ERBB4: variants seen among roughly 807,000 people sequenced by gnomAD.
ERBB4 encodes the protein receptor tyrosine-protein kinase erbB-4.
A neutral mutation model predicts 158.0 loss-of-function variants in ERBB4; 42 were observed. The observed-to-expected ratio is 0.27, with a 90% CI of 0.21 to 0.34. ERBB4 has a LOEUF of 0.34. ERBB4 is among the 10% of genes least tolerant of loss of function. ERBB4 has a pLI of 1.00. For missense variants in ERBB4, 1,333 were observed against 1,624.1 expected, an observed-to-expected ratio of 0.82 and a Z score of 3.08; for synonymous variants, 583 against 558.7, an observed-to-expected ratio of 1.04 and a Z score of -0.61.
intron 4 of ERBB4, among the ~76,000 whole-genome samples, chr2:211,769,937 A>G (rs548019108): frequency 6.6e-5 from 10 of 152,302 alleles, no homozygotes; most frequent in African/African-American, 2.2e-4. Context: ...TCTTTTAGCA[A>G]CACCCTCATA....
chr2:212,443,039 A>G (rs984279438), intron 1 of ERBB4, among the ~76,000 whole-genome samples: 14 of 152,236 alleles, frequency 9.2e-5, no homozygotes, highest in Non-Finnish European at 1.9e-4. Flanking sequence ...TGCTTGAGCA[A>G]ATTAACACAT....
chr2:211,799,067 T>A (rs2076443555), intron 3 of ERBB4, among the ~76,000 whole-genome samples: 1 of 152,162 alleles, frequency 6.6e-6, no homozygotes, highest in Admixed American at 6.6e-5. Flanking sequence ...AGGTGGCCTT[T>A]ACCTCTGCTG....
intron 1 of ERBB4, among the ~76,000 whole-genome samples, chr2:212,171,759 T>C (rs1244221346): frequency 1.3e-5 from 2 of 152,186 alleles, no homozygotes; most frequent in Non-Finnish European, 2.9e-5. Context: ...TCCACCATGA[T>C]TGTAAGTTTC....
intron 1 of ERBB4, among the ~76,000 whole-genome samples, chr2:212,190,295 G>A (rs2082146966): frequency 6.6e-6 from 1 of 152,180 alleles, no homozygotes; most frequent in Non-Finnish European, 1.5e-5. Flanking sequence ...CCAGCACTTT[G>A]GGAGGCCAAG....
chr2:211,388,496 C>T (rs1191833768), intron 25 of ERBB4, among the ~76,000 whole-genome samples: 1 of 151,974 alleles, frequency 6.6e-6, no homozygotes, highest in Non-Finnish European at 1.5e-5. Flanking sequence ...TTCACCACTT[C>T]AGCAAAAGGT....
intron 1 of ERBB4, among the ~76,000 whole-genome samples, chr2:212,269,350 G>A (rs1341376955): frequency 6.6e-6 from 1 of 151,734 alleles, no homozygotes; most frequent in Non-Finnish European, 1.5e-5. Context: ...TGTTGAGTAT[G>A]CCCAATTCAT....
chr2:212,275,588 G>A (rs772564157), intron 1 of ERBB4, among the ~76,000 whole-genome samples: 17 of 151,754 alleles, frequency 1.1e-4, no homozygotes, highest in Non-Finnish European at 1.8e-4. Context: ...AGCTTCATAA[G>A]AGAAGGAGAA....
At chr2:211,535,458 T>C (rs2066619301) in intron 20 of ERBB4, among the ~76,000 whole-genome samples, 1 of 152,072 alleles carries the variant, frequency 6.6e-6, no homozygotes. Flanking sequence ...ACCAAGTAGC[T>C]AACTGAACTA....
chr2:212,341,154 T>A (rs1468416072), intron 1 of ERBB4, among the ~76,000 whole-genome samples: 1 of 151,858 alleles, frequency 6.6e-6, no homozygotes, highest in East Asian at 1.9e-4. Flanking sequence ...GAATTATAAA[T>A]AAAATAAAGG....
At chr2:212,530,874 T>C (rs1692720470) in intron 1 of ERBB4, among the ~76,000 whole-genome samples, 1 of 152,196 alleles carries the variant, frequency 6.6e-6, no homozygotes, top group African/African-American at 2.4e-5. Context: ...AGAGTGTTTA[T>C]TGTACCATTC....
intron 2 of ERBB4, among the ~76,000 whole-genome samples, chr2:212,106,307 T>C (rs1024707328): frequency 1.3e-5 from 2 of 152,206 alleles, no homozygotes; most frequent in Admixed American, 1.3e-4. Context: ...GAAGAACTTG[T>C]TGGGAAGTGA....
At chr2:212,243,223 C>T (rs1029863649) in intron 1 of ERBB4, among the ~76,000 whole-genome samples, 1 of 152,058 alleles carries the variant, frequency 6.6e-6, no homozygotes, top group African/African-American at 2.4e-5. Context: ...AGGGCAGCGA[C>T]CAGATTGGGA....
intron 20 of ERBB4, among the ~76,000 whole-genome samples, chr2:211,513,065 A>C (rs1431603415): frequency 6.6e-6 from 1 of 152,078 alleles, no homozygotes; most frequent in Non-Finnish European, 1.5e-5. Context: ...AGGGTCTTAC[A>C]CAAAACACTG....
At chr2:212,497,803 A>T (rs1356757328) in intron 1 of ERBB4, among the ~76,000 whole-genome samples, 1 of 152,246 alleles carries the variant, frequency 6.6e-6, no homozygotes, top group Non-Finnish European at 1.5e-5. Context: ...GAACATTGGA[A>T]GCCAGTGACC....
chr2:211,658,196 T>A (rs941343029), intron 15 of ERBB4, among the ~76,000 whole-genome samples: 1 of 152,158 alleles, frequency 6.6e-6, no homozygotes, highest in African/African-American at 2.4e-5. Flanking sequence ...TGCAAAGAAA[T>A]GTCCAAAGTA....
At chr2:211,587,734 C>T (rs188383404) in intron 19 of ERBB4, among the ~76,000 whole-genome samples, 25 of 152,018 alleles carry the variant, frequency 1.6e-4, no homozygotes, top group East Asian at 7.7e-4. Flanking sequence ...CGATAGGCCA[C>T]GAGGAAACAA....
At chr2:212,351,753 T>C (rs2106342003) in intron 1 of ERBB4, among the ~76,000 whole-genome samples, 1 of 152,310 alleles carries the variant, frequency 6.6e-6, no homozygotes, top group Middle Eastern at 3.4e-3. Flanking sequence ...TAATGGAGCA[T>C]ATAATCAAAG....
intron 1 of ERBB4, among the ~76,000 whole-genome samples, chr2:212,131,803 T>A (rs1332011976): frequency 2.0e-5 from 3 of 152,150 alleles, no homozygotes; most frequent in Admixed American, 6.5e-5. Flanking sequence ...TACGGTCCAG[T>A]GCATTTTGCA....
At chr2:211,635,489 C>T (rs1200588430) in intron 16 of ERBB4, among the ~76,000 whole-genome samples, 1 of 152,098 alleles carries the variant, frequency 6.6e-6, no homozygotes, top group African/African-American at 2.4e-5. Flanking sequence ...TATATTTGGA[C>T]CATGCTATTT....
Sources: allele counts gnomAD v4.1 joint callset (sites outside exome capture counted in the v4.1 genomes callset), GRCh38; gene constraint gnomAD v4.1.1; transcripts MANE v1.5; gene names NCBI Gene and HGNC (gene_info 2026-07-23, HGNC 2026-07-21).